Variants in PTPRT observed in about 807,000 individuals in gnomAD.
PTPRT encodes the protein protein tyrosine phosphatase receptor type T.
A neutral mutation model predicts 176.8 loss-of-function variants in PTPRT; 56 were observed. The observed-to-expected ratio is 0.32, with a 90% CI of 0.26 to 0.40. PTPRT has a LOEUF of 0.40. Among genes scored for constraint, PTPRT ranks in the 10% least tolerant of loss-of-function variants. The pLI, the probability that PTPRT is intolerant of heterozygous loss-of-function variation, is 1.00. For synonymous variants in PTPRT, 783 were observed against 739.0 expected, an observed-to-expected ratio of 1.06 and a Z score of -0.96; for missense variants, 1,540 against 1,908.2, an observed-to-expected ratio of 0.81 and a Z score of 3.60.
chr20:42,973,663 A>T (rs1333977955), intron 1 of PTPRT, among the ~76,000 whole-genome samples: 1 of 152,240 alleles, frequency 6.6e-6, no homozygotes, highest in Non-Finnish European at 1.5e-5. Context: ...ATTATTAAAC[A>T]AACAGGAATA....
intron 2 of PTPRT, among the ~76,000 whole-genome samples, chr20:42,803,057 T>A (rs1203038623): frequency 1.3e-5 from 2 of 152,212 alleles, no homozygotes; most frequent in African/African-American, 4.8e-5. Flanking sequence ...GATCTTCGAC[T>A]ACAACAGTGA....
At position 42,457,582 on chromosome 20, in the gene PTPRT, T is replaced by C. The variant is rs6030256; in HGVS notation, c.1451-9253A>G. 2.4e-3 allele frequency among the ~76,000 whole-genome samples: 373 copies of C among 152,310 alleles called. 2 individuals are homozygous for C. Among genetic ancestry groups the C allele is most frequent in the African/African-American group, 8.1e-3 (337 of 41,566 alleles). ...TAATGGGTCATTCTGCTAGTTACCA[T>C]GTAAGTCCTTATTTTAAATATTTCC... On this transcript the variant is annotated intron_variant, in intron 8 of 30. Coordinates refer to ENST00000373187, the MANE Select transcript of PTPRT (RefSeq NM_007050.6).
At chr20:42,149,682 C>T (rs1334815469) in intron 17 of PTPRT, among the ~76,000 whole-genome samples, 1 of 152,240 alleles carries the variant, frequency 6.6e-6, no homozygotes, top group East Asian at 1.9e-4. Context: ...CCTTGGCCTC[C>T]CAAAGTGCTG....
intron 7 of PTPRT, among the ~76,000 whole-genome samples, chr20:42,579,319 T>C (rs576327551): frequency 3.3e-5 from 5 of 152,258 alleles, no homozygotes; most frequent in East Asian, 1.9e-4. Context: ...TGTTGGACAT[T>C]TGGGTTGGTT....
At chr20:42,273,665 G>C (rs1374137835) in intron 13 of PTPRT, among the ~76,000 whole-genome samples, 1 of 152,212 alleles carries the variant, frequency 6.6e-6, no homozygotes, top group Non-Finnish European at 1.5e-5. Flanking sequence ...TCAATACTAA[G>C]TTGTACTCAA....
At chr20:42,331,988 C>G (rs1394507686) in intron 11 of PTPRT, among the ~76,000 whole-genome samples, 1 of 151,842 alleles carries the variant, frequency 6.6e-6, no homozygotes, top group East Asian at 1.9e-4. Flanking sequence ...TGGTACCCAA[C>G]TGTACTTGTC....
At chr20:42,071,535 G>C (rs184407057), downstream of PTPRT, among the ~76,000 whole-genome samples, 6 of 152,210 alleles carry the variant, frequency 3.9e-5, no homozygotes, top group Admixed American at 6.5e-5. Flanking sequence ...TCTACACGTT[G>C]AGAAGTTTCC....
At chr20:42,676,196 C>T (rs924008673) in intron 7 of PTPRT, among the ~76,000 whole-genome samples, 3 of 152,156 alleles carry the variant, frequency 2.0e-5, no homozygotes, top group African/African-American at 4.8e-5. Flanking sequence ...AGCCATTTCA[C>T]GTGCATAAAA....
rs186734421 is a variant in PTPRT, at chr20:43,084,952, A to G, written c.88+104694T>C. On this transcript the variant is annotated intron_variant, in intron 1 of 30. Coordinates refer to ENST00000373187, the MANE Select transcript of PTPRT (RefSeq NM_007050.6). The stretch of plus-strand genomic sequence containing the variant: ...AAATTCATTTTAATAAAGTAATAAC[A>G]TACCATGAGGTGTTTTACAGCTAGT... 3.8e-4 allele frequency among the ~76,000 whole-genome samples: 58 copies of G among 152,356 alleles called. 2 individuals are homozygous for G. The East Asian group carries it at 5.4e-3, about 14-fold the overall frequency.
intron 7 of PTPRT, among the ~76,000 whole-genome samples, chr20:42,595,672 C>T (rs932226154): frequency 1.3e-5 from 2 of 152,202 alleles, no homozygotes; most frequent in Non-Finnish European, 2.9e-5. Context: ...TATTCCATTA[C>T]AGGCTGTGGG....
At chr20:42,714,097 T>G (rs1349166289) in intron 6 of PTPRT, among the ~76,000 whole-genome samples, 1 of 152,198 alleles carries the variant, frequency 6.6e-6, no homozygotes, top group African/African-American at 2.4e-5. Flanking sequence ...TCATTTCCCA[T>G]GCAGCTGTTG....
chr20:42,582,674 G>A (rs537888644), intron 7 of PTPRT, among the ~76,000 whole-genome samples: 36 of 152,280 alleles, frequency 2.4e-4, no homozygotes, highest in African/African-American at 8.4e-4. Flanking sequence ...TCACCCTTTA[G>A]TGGTTTGTTT....
At chr20:42,445,228 C>T (rs867553677) in intron 9 of PTPRT, among the ~76,000 whole-genome samples, 1 of 152,144 alleles carries the variant, frequency 6.6e-6, no homozygotes, top group African/African-American at 2.4e-5. Flanking sequence ...TTTTAACCCT[C>T]TGCACTCAAT....
At chr20:42,297,354 A>G (rs1035132843) in intron 12 of PTPRT, among the ~76,000 whole-genome samples, 12 of 152,216 alleles carry the variant, frequency 7.9e-5, no homozygotes, top group Non-Finnish European at 2.9e-5. Context: ...CAAAACCTGT[A>G]TAAAGAAAAC....
At chr20:42,557,215 T>A (rs1411188658) in intron 7 of PTPRT, among the ~76,000 whole-genome samples, 1 of 152,106 alleles carries the variant, frequency 6.6e-6, no homozygotes, top group Non-Finnish European at 1.5e-5. Flanking sequence ...TAAATGTATA[T>A]TAAGTACTCA....
At chr20:42,947,732 C>T (rs1450184813) in intron 1 of PTPRT, among the ~76,000 whole-genome samples, 1 of 152,138 alleles carries the variant, frequency 6.6e-6, no homozygotes, top group African/African-American at 2.4e-5. Context: ...TTCACTTTGT[C>T]CACCCTCATA....
intron 24 of PTPRT, among the ~76,000 whole-genome samples, chr20:42,106,233 C>T (rs1453335569): frequency 6.6e-6 from 1 of 152,152 alleles, no homozygotes; most frequent in Non-Finnish European, 1.5e-5. Context: ...AAGATTAATT[C>T]CTTTCAATAC....
chr20:42,771,314 T>C (rs2077058928), intron 5 of PTPRT, 121 bp downstream of exon 5: 1 of 860,884 alleles, frequency 1.2e-6, no homozygotes, highest in Non-Finnish European at 1.9e-6. Flanking sequence ...GTGCTAGCTG[T>C]TGTCCCCCTC....
chr20:42,980,276 A>G (rs1983201595), intron 1 of PTPRT, among the ~76,000 whole-genome samples: 1 of 152,202 alleles, frequency 6.6e-6, no homozygotes, highest in East Asian at 1.9e-4. Flanking sequence ...TAGGGTAGAA[A>G]GAACTCAGCA....
Sources: allele counts gnomAD v4.1 joint callset (sites outside exome capture counted in the v4.1 genomes callset), GRCh38; gene constraint gnomAD v4.1.1; transcripts MANE v1.5; gene names NCBI Gene and HGNC (gene_info 2026-07-23, HGNC 2026-07-21).